PSPC1: variants seen among roughly 807,000 people sequenced by gnomAD.
The protein encoded by PSPC1 is paraspeckle protein 1.
In PSPC1, 14 loss-of-function variants were observed where a neutral mutation model predicts 51.6. The observed-to-expected ratio is 0.27, with a 90% CI of 0.18 to 0.42. PSPC1 has a LOEUF of 0.42. PSPC1 is among the 10% of genes least tolerant of loss of function. PSPC1 has a pLI of 1.00. For synonymous variants in PSPC1, 193 were observed against 231.9 expected, an observed-to-expected ratio of 0.83 and a Z score of 1.53; for missense variants, 406 against 701.1, an observed-to-expected ratio of 0.58 and a Z score of 4.75.
At chr13:19,673,485 C>CAGTA (rs1483095677), downstream of PSPC1, 1 of 186,278 alleles carries the variant, frequency 5.4e-6, no homozygotes, top group African/African-American at 2.4e-5. Context: ...CTTTAAAAGA[C>CAGTA]AGTAGATATT....
chr13:19,735,783 C>A (rs1050919991), intron 5 of PSPC1, among the ~76,000 whole-genome samples: 6 of 151,950 alleles, frequency 3.9e-5, no homozygotes, highest in African/African-American at 1.5e-4. Context: ...CAGACATAAT[C>A]TTTTTTTCTT....
intron 7 of PSPC1, among the ~76,000 whole-genome samples, chr13:19,677,017 A>G (rs572545471): frequency 1.3e-4 from 20 of 152,188 alleles, no homozygotes; most frequent in South Asian, 2.1e-4. Context: ...GGTGGATCAC[A>G]AAGTCAGGAG....
intron 3 of PSPC1, among the ~76,000 whole-genome samples, chr13:19,757,195 C>A (rs1035765140): frequency 6.6e-6 from 1 of 151,762 alleles, no homozygotes; most frequent in Admixed American, 6.6e-5. Context: ...AGCTTTGGGA[C>A]CTTGAACTTT....
intron 2 of PSPC1, among the ~76,000 whole-genome samples, chr13:19,768,285 AG>A (rs1378519073): frequency 6.6e-6 from 1 of 152,214 alleles, no homozygotes; most frequent in Non-Finnish European, 1.5e-5. Flanking sequence ...ACAGACTGGC[AG>A]GAAGATTTAT....
chr13:19,768,154 G>C (rs1317235278), intron 2 of PSPC1, among the ~76,000 whole-genome samples: 2 of 151,842 alleles, frequency 1.3e-5, no homozygotes, highest in Non-Finnish European at 2.9e-5. Context: ...GAGCCCAGGA[G>C]GTCAAGGCTG....
intron 4 of PSPC1, among the ~76,000 whole-genome samples, chr13:19,748,476 C>T (rs895107840): frequency 6.6e-6 from 1 of 152,114 alleles, no homozygotes; most frequent in African/African-American, 2.4e-5. Flanking sequence ...CAAAAAAACT[C>T]ATGGGAAATA....
chr13:19,742,260 C>CA (rs36104148), intron 4 of PSPC1, among the ~76,000 whole-genome samples: 2,202 of 119,114 alleles, frequency 0.018, 62 homozygotes, highest in African/African-American at 0.046. Flanking sequence ...GACTCAATCT[C>CA]AAAAAAAAAA....
intron 8 of PSPC1, among the ~76,000 whole-genome samples, chr13:19,704,987 G>A (rs1248282621): frequency 6.6e-6 from 1 of 152,148 alleles, no homozygotes; most frequent in African/African-American, 2.4e-5. Flanking sequence ...TGAAAACTGT[G>A]TGTTCATACA....
chr13:19,751,872 G>A (rs1450605980), intron 3 of PSPC1, among the ~76,000 whole-genome samples: 1 of 152,092 alleles, frequency 6.6e-6, no homozygotes, highest in Non-Finnish European at 1.5e-5. Context: ...CCTGGCTAAC[G>A]TTGTGAAATC....
At chr13:19,762,527 T>C (rs1453644578) in intron 2 of PSPC1, among the ~76,000 whole-genome samples, 1 of 151,982 alleles carries the variant, frequency 6.6e-6, no homozygotes, top group African/African-American at 2.4e-5. Flanking sequence ...GCCATTGCAC[T>C]CCAGCCAGGA....
Position 19,781,216 on chromosome 13 carries a change from C to T in PSPC1, c.372+1170G>A, listed in dbSNP as rs370715119. Among the ~76,000 whole-genome samples, 332 of 151,564 alleles carry T rather than the reference C, an allele frequency of 2.2e-3. 11 individuals carry two copies. The South Asian group carries it at 0.053, about 24-fold the overall frequency. Reference sequence around the variant, plus strand: ...GTTTTGAGACGGGATCTCGCTCTGTCGCCCAGGCTGGAGTGCAGTGACGTG... The same window carrying T: ...GTTTTGAGACGGGATCTCGCTCTGTTGCCCAGGCTGGAGTGCAGTGACGTG... On this transcript the variant is annotated intron_variant, in intron 1 of 8. Coordinates refer to ENST00000338910, the MANE Select transcript of PSPC1 (RefSeq NM_001354909.2).
At chr13:19,769,209 G>A (rs1888379408) in intron 2 of PSPC1, among the ~76,000 whole-genome samples, 1 of 150,906 alleles carries the variant, frequency 6.6e-6, no homozygotes, top group African/African-American at 2.5e-5. Context: ...TCAGCACTTT[G>A]GGAGGCCAAA....
At chr13:19,691,907 G>T (rs1878604882) in intron 6 of PSPC1, among the ~76,000 whole-genome samples, 1 of 152,092 alleles carries the variant, frequency 6.6e-6, no homozygotes, top group African/African-American at 2.4e-5. Flanking sequence ...GACAGAGCGA[G>T]ACCCCATCTC....
chr13:19,678,389 C>G lies in PSPC1; in HGVS notation c.1159-566G>C, dbSNP rs562957660. On this transcript the variant is annotated intron_variant and NMD_transcript_variant, in intron 6 of 7. Coordinates refer to the PSPC1 transcript ENST00000471658. ...ATACCCAAAACATTTCAATAGAGGA[C>G]AGGTTTATGTGTACAGTTATCCTTA... is the stretch of plus-strand genomic sequence containing the variant. The G allele has an allele frequency of 5.2e-5, 8 of 152,860 alleles. No homozygotes were observed. In the East Asian group the frequency reaches 1.4e-3, roughly 26 times the overall value. The allele number at this position is 152,860 out of a possible 1,614,324, so 9.5% of individuals were successfully genotyped here.
intron 6 of PSPC1, among the ~76,000 whole-genome samples, chr13:19,681,409 A>G (rs1003381564): frequency 6.6e-6 from 1 of 151,802 alleles, no homozygotes; most frequent in South Asian, 2.1e-4. Flanking sequence ...TATATAAATT[A>G]TATATAATAG....
At chr13:19,754,881 G>C (rs1266662346) in intron 3 of PSPC1, among the ~76,000 whole-genome samples, 2 of 152,052 alleles carry the variant, frequency 1.3e-5, no homozygotes, top group African/African-American at 4.8e-5. Flanking sequence ...ATTTGTAATG[G>C]TGACCTATAA....
At position 19,736,482 on chromosome 13, in the gene PSPC1, G is replaced by T. The variant is rs1360504654; in HGVS notation, c.1052+5083C>A. Among the ~76,000 whole-genome samples, 2 of 151,974 alleles carry T rather than the reference G, an allele frequency of 1.3e-5. 1 individual carries two copies. Among genetic ancestry groups the T allele is most frequent in the Non-Finnish European group, 2.9e-5 (2 of 67,998 alleles). On this transcript the variant is annotated intron_variant, in intron 5 of 8. Coordinates refer to ENST00000338910, the MANE Select transcript of PSPC1 (RefSeq NM_001354909.2). ...GCGGATCACAAGGTCAGCAGATCGA[G>T]ACCATCCTGGCTAACACAGTGAAAC... is the stretch of plus-strand genomic sequence containing the variant.
intron 7 of PSPC1, 37 bp downstream of exon 7, chr13:19,709,505 T>C (rs766795706): frequency 6.4e-7 from 1 of 1,560,164 alleles, no homozygotes; most frequent in East Asian, 2.2e-5. Context: ...CCCCCAAAAA[T>C]GATAAATTAC....
At chr13:19,671,217 T>C, downstream of PSPC1, 1 of 1,614,108 alleles carries the variant, frequency 6.2e-7, no homozygotes, top group Non-Finnish European at 8.5e-7. Flanking sequence ...ACAGTCATTT[T>C]GTTTACTCAT....
Sources: gnomAD v4.1 joint callset for allele counts (sites outside exome capture counted in the v4.1 genomes callset) on GRCh38, gnomAD v4.1.1 for gene constraint, MANE v1.5 for transcripts, NCBI Gene and HGNC (gene_info 2026-07-23, HGNC 2026-07-21) for gene names.